CSMD3: variants seen among roughly 807,000 people sequenced by gnomAD.
CSMD3 encodes the protein CUB and Sushi multiple domains 3.
A neutral mutation model predicts 435.2 loss-of-function variants in CSMD3; 177 were observed. The observed-to-expected ratio is 0.41, with a 90% confidence interval of 0.36 to 0.46. The LOEUF is 0.46. CSMD3 is among the 20% of genes least tolerant of loss of function. The pLI, the probability that CSMD3 is intolerant of heterozygous loss-of-function variation, is 0.34. For synonymous variants in CSMD3, 1,656 were observed against 1,520.5 expected (o/e 1.09, Z -2.07); for missense variants, 4,265 against 4,504.6 (o/e 0.95, Z 1.52).
chr8:112,491,683 C>T (rs1393136101), intron 31 of CSMD3, among the ~76,000 whole-genome samples: 1 of 152,054 alleles, frequency 6.6e-6, no homozygotes, highest in Admixed American at 6.6e-5. Flanking sequence ...CTCTATGTTC[C>T]TTAAAGTATA....
At chr8:112,618,665 T>C (rs1371821089) in intron 22 of CSMD3, among the ~76,000 whole-genome samples, 1 of 79,708 alleles carries the variant, frequency 1.3e-5, no homozygotes, top group African/African-American at 6.7e-5. Flanking sequence ...GGATTGGCAA[T>C]GAGGAGTAAG....
chr8:113,009,094 A>T (rs1304603852), intron 6 of CSMD3, among the ~76,000 whole-genome samples: 1 of 151,762 alleles, frequency 6.6e-6, no homozygotes, highest in Non-Finnish European at 1.5e-5. Flanking sequence ...TACAAGAAAA[A>T]TTAAATATTT....
rs571285681 is a variant in CSMD3, at chr8:112,571,252, C to T, written c.4042+2249G>A. Among the ~76,000 whole-genome samples, 595 of 152,276 alleles carry T rather than the reference C, an allele frequency of 3.9e-3. 3 individuals are homozygous for T. Among genetic ancestry groups the T allele is most frequent in the African/African-American group, 0.012 (514 of 41,568 alleles). On this transcript the variant is annotated intron_variant, in intron 24 of 70. Transcript: ENST00000297405. ...AGACTCCCGACCTCAGGTGATCTGC[C>T]TGCCTCAGCCTCCCAAAGTGCTGGG...
chr8:113,014,351 T>C (rs2086371578), intron 6 of CSMD3, among the ~76,000 whole-genome samples: 1 of 152,092 alleles, frequency 6.6e-6, no homozygotes, highest in Admixed American at 6.6e-5. Context: ...AATCCCCTTC[T>C]GCTTAAACAG....
rs992731928 is a variant in CSMD3, at chr8:112,970,847, G to A, written c.1342+4990C>T. On this transcript the variant is annotated intron_variant, in intron 7 of 70. Coordinates refer to ENST00000297405, the MANE Select transcript of CSMD3 (RefSeq NM_198123.2). Reference sequence around the variant, plus strand: ...CGCTATTCTCCTGCCTCGGCCTCCCGAGTAGCTGGGACTACAGGCGCCCGC... The same window carrying A: ...CGCTATTCTCCTGCCTCGGCCTCCCAAGTAGCTGGGACTACAGGCGCCCGC... Among the ~76,000 whole-genome samples the A allele has an allele frequency of 2.6e-5, 4 of 151,360 alleles. No individual in the cohort carries two copies. In the South Asian group the frequency reaches 6.3e-4, roughly 24 times the overall value.
chr8:113,011,604 A>T (rs992904204), intron 6 of CSMD3, among the ~76,000 whole-genome samples: 1 of 151,426 alleles, frequency 6.6e-6, no homozygotes, highest in African/African-American at 2.4e-5. Context: ...AATAACTAAA[A>T]CTCCTTCTTT....
intron 38 of CSMD3, among the ~76,000 whole-genome samples, chr8:112,357,317 CA>C (rs748190780): frequency 6.6e-6 from 1 of 152,136 alleles, no homozygotes; most frequent in Non-Finnish European, 1.5e-5. Context: ...TGGAGGAAGA[CA>C]TTTCTAAGGG....
At chr8:112,840,651 C>CCTTGTATAACCTGTAAAAA (rs2080153532) in intron 11 of CSMD3, among the ~76,000 whole-genome samples, 2 of 151,664 alleles carry the variant, frequency 1.3e-5, no homozygotes, top group South Asian at 4.1e-4. Flanking sequence ...CTGTATTTCA[C>CCTTGTATAACCTGTAAAAA]TGCAACCTTG....
chr8:112,471,563 T>G (rs1474271346), intron 32 of CSMD3, among the ~76,000 whole-genome samples: 1 of 152,162 alleles, frequency 6.6e-6, no homozygotes, highest in Non-Finnish European at 1.5e-5. Context: ...ACATTTCTGA[T>G]GACAGTACTC....
chr8:113,216,000 G>A (rs966893846), intron 3 of CSMD3, among the ~76,000 whole-genome samples: 7 of 151,678 alleles, frequency 4.6e-5, no homozygotes, highest in Non-Finnish European at 8.8e-5. Context: ...CTTATACATG[G>A]TTGAGGGGAG....
intron 13 of CSMD3, among the ~76,000 whole-genome samples, chr8:112,767,674 A>G (rs957907895): frequency 1.3e-5 from 2 of 151,840 alleles, no homozygotes; most frequent in Non-Finnish European, 2.9e-5. Flanking sequence ...ATTTTTAATA[A>G]TGTCCAAGGG....
chr8:112,330,541 T>C (rs1823941934), intron 45 of CSMD3, among the ~76,000 whole-genome samples: 1 of 152,096 alleles, frequency 6.6e-6, no homozygotes, highest in East Asian at 1.9e-4. Context: ...ATAAGCCAGA[T>C]CTCAATAAAA....
chr8:112,265,101 T>C (rs1816810168), intron 60 of CSMD3, among the ~76,000 whole-genome samples: 1 of 152,084 alleles, frequency 6.6e-6, no homozygotes, highest in Non-Finnish European at 1.5e-5. Flanking sequence ...CAAGGTTATA[T>C]TCTTTTGAAA....
At chr8:112,840,999 A>T (rs1298587073) in intron 11 of CSMD3, among the ~76,000 whole-genome samples, 2 of 151,694 alleles carry the variant, frequency 1.3e-5, no homozygotes, top group East Asian at 3.9e-4. Flanking sequence ...AATCTTATAG[A>T]ATATAAAGTC....
At chr8:113,290,865 T>G (rs2093681738) in intron 2 of CSMD3, among the ~76,000 whole-genome samples, 1 of 151,440 alleles carries the variant, frequency 6.6e-6, no homozygotes, top group African/African-American at 2.4e-5. Context: ...ACATTTAAAT[T>G]GGAAAAATGG....
intron 61 of CSMD3, among the ~76,000 whole-genome samples, chr8:112,262,274 A>G (rs1816489387): frequency 1.3e-5 from 2 of 152,136 alleles, no homozygotes; most frequent in South Asian, 4.1e-4. Flanking sequence ...TCACATATGT[A>G]TAAATGGTTC....
intron 38 of CSMD3, among the ~76,000 whole-genome samples, chr8:112,362,931 A>T (rs1187545380): frequency 6.6e-6 from 1 of 152,008 alleles, no homozygotes; most frequent in Non-Finnish European, 1.5e-5. Context: ...TCTCAAAAAC[A>T]CATTGTAGTG....
chr8:112,436,988 A>G (rs761651886), intron 32 of CSMD3, among the ~76,000 whole-genome samples: 1 of 152,002 alleles, frequency 6.6e-6, no homozygotes, highest in Non-Finnish European at 1.5e-5. Context: ...TCTTTATCCA[A>G]TGTGGACTTT....
At chr8:113,002,493 C>T (rs560999628) in intron 6 of CSMD3, among the ~76,000 whole-genome samples, 1 of 151,996 alleles carries the variant, frequency 6.6e-6, no homozygotes, top group Non-Finnish European at 1.5e-5. Context: ...TTTAATGATG[C>T]AATTAGCTTC....
Sources: allele counts gnomAD v4.1 joint callset (sites outside exome capture counted in the v4.1 genomes callset), GRCh38; gene constraint gnomAD v4.1.1; transcripts MANE v1.5; gene names NCBI Gene and HGNC (gene_info 2026-07-23, HGNC 2026-07-21).